Variants in CACNA1C observed in about 807,000 individuals in gnomAD.
CACNA1C encodes voltage-dependent L-type calcium channel subunit alpha-1C.
Under a neutral mutation model 229.0 loss-of-function variants are expected in CACNA1C, and 30 were observed. That is an observed-to-expected ratio of 0.13 (90% confidence interval 0.10 to 0.18). The LOEUF is 0.18. Ranked by LOEUF, CACNA1C falls within the 10% of genes least tolerant of loss-of-function variation. The probability of loss-of-function intolerance (pLI) is 1.00; values close to 1 mark genes in which losing one functional copy is unlikely to be tolerated. For missense variants in CACNA1C, 1,658 were observed against 2,845.0 expected (o/e 0.58, Z 9.49); for synonymous variants, 1,114 against 1,132.5 (o/e 0.98, Z 0.33).
chr12:2,278,871 C>T (rs1252383394), intron 3 of CACNA1C, among the ~76,000 whole-genome samples: 1 of 152,188 alleles, frequency 6.6e-6, no homozygotes, highest in Non-Finnish European at 1.5e-5. Flanking sequence ...AGTTTTGGTT[C>T]TTCTACATCC....
chr12:2,507,715 C>T (rs2099774828), intron 8 of CACNA1C, among the ~76,000 whole-genome samples: 1 of 152,218 alleles, frequency 6.6e-6, no homozygotes, highest in South Asian at 2.1e-4. Flanking sequence ...TGGTGCTATT[C>T]CTGTGTCCAT....
At chr12:2,169,500 T>C (rs1342718652) in intron 3 of CACNA1C, among the ~76,000 whole-genome samples, 2 of 152,174 alleles carry the variant, frequency 1.3e-5, no homozygotes, top group Admixed American at 1.3e-4. Flanking sequence ...CTTCCTTGGC[T>C]GTGTGGCTTT....
At chr12:2,339,977 A>G (rs1313483029) in intron 3 of CACNA1C, among the ~76,000 whole-genome samples, 1 of 152,222 alleles carries the variant, frequency 6.6e-6, no homozygotes, top group Non-Finnish European at 1.5e-5. Flanking sequence ...ATCCTACTAC[A>G]CATATTACTA....
intron 1 of CACNA1C, chr12:2,004,171 TC>T: frequency 6.8e-7 from 1 of 1,478,578 alleles, no homozygotes; most frequent in Non-Finnish European, 9.1e-7. Flanking sequence ...TCCACCCACT[TC>T]CAGGGCGTCA....
Position 2,568,146 on chromosome 12 carries a change from G to A in CACNA1C, c.1895+352G>A, listed in dbSNP as rs955925848. Among the ~76,000 whole-genome samples, 4 of 152,116 alleles carry A rather than the reference G, an allele frequency of 2.6e-5. No individual in the cohort carries two copies. In the South Asian group the frequency reaches 8.3e-4, roughly 32 times the overall value. On this transcript the variant is annotated intron_variant, in intron 13 of 46. Transcript: ENST00000399655. ...GCCTTGGTGCTGATTCTTCTCCAGGGTCATAAGATGACTTCTGGAGACTGA... is the reference window on the plus strand; with the variant it reads ...GCCTTGGTGCTGATTCTTCTCCAGGATCATAAGATGACTTCTGGAGACTGA...
At chr12:2,118,927 C>T (rs2085237040) in intron 2 of CACNA1C, among the ~76,000 whole-genome samples, 2 of 152,172 alleles carry the variant, frequency 1.3e-5, no homozygotes, top group Admixed American at 1.3e-4. Context: ...AAATGTTCTA[C>T]AGGAAAATGG....
rs145657634 is a variant in CACNA1C, at chr12:2,497,969, T to TCTCACACA, written c.1113+4584_1113+4585insTCACACAC. ...TGCGGAGAAGGTATTTCTATTAAATTCACACACACACACACACACACACAC... is the reference window on the plus strand; with the variant it reads ...TGCGGAGAAGGTATTTCTATTAAATTCTCACACACACACACACACACACACACACACAC... On this transcript the variant is annotated intron_variant, in intron 7 of 46. Coordinates refer to ENST00000399655, the MANE Select transcript of CACNA1C (RefSeq NM_000719.7). Among the ~76,000 whole-genome samples the TCTCACACA allele has an allele frequency of 4.3e-3, 617 of 144,016 alleles. 3 individuals carry two copies. The highest frequency in any genetic ancestry group is 0.013 in the African/African-American group (502 of 39,412). The allele number at this position is 144,016 out of a possible 152,430, so 94.5% of individuals were successfully genotyped here. A position where few individuals can be genotyped will look rare whatever the true frequency, so the allele number is the denominator to read the frequency against.
intron 3 of CACNA1C, among the ~76,000 whole-genome samples, chr12:2,174,671 C>CA (rs977888118): frequency 1.8e-4 from 28 of 152,192 alleles, no homozygotes; most frequent in African/African-American, 6.0e-4. Context: ...CTTGGATGGT[C>CA]AAAAATCTGC....
At position 2,449,072 on chromosome 12, in the gene CACNA1C, C is replaced by A; in HGVS notation, c.574C>A (p.Arg192Ser). ...GLLFHPNAYL[R>S]NGWNLLDFII... ...CCTCTTTCACCCCAATGCCTACCTC[C>A]GCAACGGCTGGAACCTACTAGATTT... Residue 192 changes from arginine (R) to serine (S), a missense_variant, in exon 4 of 47, where the codon CGC becomes AGC. Physicochemically the swap from Arg to Ser is moderately radical, Grantham distance 110. This residue lies in a region of CACNA1C where 89 missense variants were observed against 177.8 expected (regional missense o/e 0.50). Coordinates refer to ENST00000399655, the MANE Select transcript of CACNA1C (RefSeq NM_000719.7). 1 of 1,584,548 alleles carries A rather than the reference C, an allele frequency of 6.3e-7. No homozygotes were observed. The highest frequency in any genetic ancestry group is 8.6e-7 in the Non-Finnish European group (1 of 1,163,520).
At chr12:2,518,781 T>C (rs975993071) in intron 9 of CACNA1C, among the ~76,000 whole-genome samples, 2 of 152,172 alleles carry the variant, frequency 1.3e-5, no homozygotes, top group Non-Finnish European at 2.9e-5. Flanking sequence ...TGTTCATACC[T>C]TGCACTGTTG....
chr12:2,088,436 C>T (rs752065513), intron 1 of CACNA1C, among the ~76,000 whole-genome samples: 8 of 152,116 alleles, frequency 5.3e-5, no homozygotes, highest in African/African-American at 1.2e-4. Context: ...CTTGGTTTGC[C>T]GGAGGCTTGG....
At chr12:2,503,367 A>G (rs2154576857) in intron 7 of CACNA1C, among the ~76,000 whole-genome samples, 1 of 152,338 alleles carries the variant, frequency 6.6e-6, no homozygotes. Context: ...AGTTGGGTGC[A>G]TTTTTAGGAA....
intron 9 of CACNA1C, among the ~76,000 whole-genome samples, chr12:2,519,689 G>A (rs969203692): frequency 3.9e-5 from 6 of 152,210 alleles, no homozygotes; most frequent in African/African-American, 1.2e-4. Flanking sequence ...GCTGTGTACT[G>A]GGGCTCTGCA....
At chr12:2,254,460 C>T (rs2076645423) in intron 3 of CACNA1C, among the ~76,000 whole-genome samples, 1 of 152,194 alleles carries the variant, frequency 6.6e-6, no homozygotes, top group Non-Finnish European at 1.5e-5. Context: ...CTGTTTTCCT[C>T]TTAGTATGAG....
chr12:2,369,886 T>G (rs2097814562), intron 3 of CACNA1C, among the ~76,000 whole-genome samples: 1 of 152,092 alleles, frequency 6.6e-6, no homozygotes, highest in African/African-American at 2.4e-5. Flanking sequence ...GAGATTCAAC[T>G]CATAAAAATA....
intron 15 of CACNA1C, 110 bp downstream of exon 15, chr12:2,583,052 C>T: frequency 1.3e-6 from 1 of 751,780 alleles, no homozygotes; most frequent in Admixed American, 2.2e-5. Context: ...GGGCTCACAC[C>T]ACCCAGCCTA....
At chr12:2,299,826 A>C (rs957666818) in intron 3 of CACNA1C, among the ~76,000 whole-genome samples, 6 of 152,072 alleles carry the variant, frequency 3.9e-5, no homozygotes, top group Non-Finnish European at 5.9e-5. Context: ...TGTGACCCGG[A>C]CAAGGCATTC....
intron 3 of CACNA1C, among the ~76,000 whole-genome samples, chr12:2,361,877 A>G (rs2097566854): frequency 6.6e-6 from 1 of 152,254 alleles, no homozygotes; most frequent in Non-Finnish European, 1.5e-5. Flanking sequence ...GACTTTTGCT[A>G]TAACATAGCA....
intron 1 of CACNA1C, among the ~76,000 whole-genome samples, chr12:2,027,546 T>G (rs1227416545): frequency 6.6e-6 from 1 of 152,198 alleles, no homozygotes; most frequent in Non-Finnish European, 1.5e-5. Flanking sequence ...CACTGCATCA[T>G]AACAATTGTA....
Sources: allele counts gnomAD v4.1 joint callset (sites outside exome capture counted in the v4.1 genomes callset), GRCh38; gene constraint gnomAD v4.1.1; regional missense constraint gnomAD v4.1.1; transcripts MANE v1.5; gene names NCBI Gene and HGNC (gene_info 2026-07-23, HGNC 2026-07-21).